P2RX4: variants seen among roughly 807,000 people sequenced by gnomAD.
P2RX4 encodes P2X purinoceptor 4.
In P2RX4, 37 loss-of-function variants were observed where a neutral mutation model predicts 48.0. The ratio of observed to expected loss-of-function variants is 0.77; its 90% CI spans 0.59 to 1.01. P2RX4 has a LOEUF of 1.01. P2RX4 is among the 50% of genes least tolerant of loss of function. The pLI, the probability that P2RX4 is intolerant of heterozygous loss-of-function variation, is 0.00. For synonymous variants in P2RX4, 200 were observed against 199.7 expected (o/e 1.00, Z -0.01); for missense variants, 501 against 521.4 (o/e 0.96, Z 0.38).
intron 1 of P2RX4, chr12:121,212,824 A>ATATATATATTTTTT (rs370835501): frequency 1.2e-4 from 4 of 32,250 alleles, no homozygotes; most frequent in East Asian, 1.1e-3. Flanking sequence ...ATATATATAT[A>ATATATATATTTTTT]TTTTTTTTTT....
intron 2 of P2RX4, among the ~76,000 whole-genome samples, chr12:121,220,614 C>T (rs191715993): frequency 1.5e-3 from 226 of 152,056 alleles, no homozygotes; most frequent in Middle Eastern, 0.014. Flanking sequence ...GCAGCCTGGG[C>T]GACAGAGCAA....
intron 1 of P2RX4, chr12:121,213,273 C>T (rs1886008827): frequency 6.6e-6 from 1 of 152,058 alleles, no homozygotes; most frequent in Admixed American, 6.6e-5. Context: ...CAAAAAAATA[C>T]AAAAATTAGC....
intron 8 of P2RX4, among the ~76,000 whole-genome samples, chr12:121,230,123 C>T (rs868203469): frequency 6.6e-6 from 1 of 152,230 alleles, no homozygotes; most frequent in East Asian, 1.9e-4. Context: ...GCGCTCCAGG[C>T]CGGGCGCAGT....
Position 121,229,869 on chromosome 12 carries a change from C to G in P2RX4, c.884+770C>G, listed in dbSNP as rs1887229719. 6.6e-6 allele frequency among the ~76,000 whole-genome samples: 1 copy of G among 152,176 alleles called. No individual in the cohort carries two copies. The highest frequency in any genetic ancestry group is 1.5e-5 in the Non-Finnish European group (1 of 68,024). ...TGTATGTGTCTCTGTGTCTTTTCTTCTTGTAAGGATATCAGTCACTGAATT... is the reference window on the plus strand; with the variant it reads ...TGTATGTGTCTCTGTGTCTTTTCTTGTTGTAAGGATATCAGTCACTGAATT... On this transcript the variant is annotated intron_variant, in intron 8 of 11. Transcript: ENST00000337233. This position sits in a 1 kb window ranked among gnomAD's most constrained non-coding sequence, Gnocchi z 4.6.
Position 121,232,854 on chromosome 12 carries a change from G to C in P2RX4, c.1045-143G>C. 1.2e-6 allele frequency: 1 copy of C among 863,632 alleles called. No individual in the cohort carries two copies. Among genetic ancestry groups the C allele is most frequent in the East Asian group, 2.4e-5 (1 of 41,586 alleles). The allele number at this position is 863,632 out of a possible 1,614,324, so 53.5% of individuals were successfully genotyped here. A position where few individuals can be genotyped will look rare whatever the true frequency, so the allele number is the denominator to read the frequency against. On this transcript the variant is annotated intron_variant, in intron 10 of 11. Coordinates refer to ENST00000337233, the MANE Select transcript of P2RX4 (RefSeq NM_002560.3). This position sits in a 1 kb window ranked among gnomAD's most constrained non-coding sequence, Gnocchi z 4.3. ...CCCTTCTCCAAGACCACCCCCCTCA[G>C]GTCCCAGCCTTCTCCCAAGAGATGG...
intron 2 of P2RX4, among the ~76,000 whole-genome samples, chr12:121,219,641 A>ATAGG: frequency 6.7e-6 from 1 of 150,140 alleles, no homozygotes; most frequent in African/African-American, 2.5e-5. Flanking sequence ...AGATAGATAG[A>ATAGG]TAGATAGATA....
Position 121,228,944 on chromosome 12 carries a change from C to T in P2RX4, c.748-19C>T, listed in dbSNP as rs1566009959. ...GGTGCTGAGGAAAGCCTTGCCGTGT[C>T]TCTGCTGCTCATCCCCAGGGAGGCA... On this transcript the variant is annotated intron_variant, in intron 7 of 11. Coordinates refer to ENST00000337233, the MANE Select transcript of P2RX4 (RefSeq NM_002560.3). 6.2e-7 allele frequency: 1 copy of T among 1,614,128 alleles called. No individual in the cohort carries two copies. Among genetic ancestry groups the T allele is most frequent in the Middle Eastern group, 1.6e-4 (1 of 6,062 alleles).
chr12:121,227,419 C>G (rs967548433), intron 5 of P2RX4, among the ~76,000 whole-genome samples: 1 of 152,230 alleles, frequency 6.6e-6, no homozygotes, highest in African/African-American at 2.4e-5. Flanking sequence ...AAGAGGCCGG[C>G]GCACCTGCTG....
rs144652663 is a variant in P2RX4 at position 121,233,386 on chromosome 12, G to A, written c.1141-137G>A. 2.6e-4 allele frequency: 225 copies of A among 862,096 alleles called. No individual in the cohort carries two copies. The African/African-American group carries it at 3.0e-3, about 12-fold the overall frequency. 53.4% of individuals were successfully genotyped at this position (862,096 alleles called of 1,614,324 possible). ...CACACACTACTTCAGTGCACCTTGC[G>A]GAACAGGAAGGGTTGGGTTCCAGGC... On this transcript the variant is annotated intron_variant, in intron 11 of 11. Transcript: ENST00000337233.
At chr12:121,215,911 G>A (rs1016113362) in intron 1 of P2RX4, 1 of 152,242 alleles carries the variant, frequency 6.6e-6, no homozygotes, top group African/African-American at 2.4e-5. Context: ...TATGTGACCA[G>A]AATTCTTGGG....
intron 1 of P2RX4, chr12:121,212,824 A>ATTTTTTTTTTTTT (rs1176783368): frequency 1.2e-4 from 4 of 32,250 alleles, no homozygotes; most frequent in South Asian, 2.0e-3. Flanking sequence ...ATATATATAT[A>ATTTTTTTTTTTTT]TTTTTTTTTT....
At chr12:121,221,535 A>G (rs952786522) in intron 2 of P2RX4, among the ~76,000 whole-genome samples, 1 of 151,796 alleles carries the variant, frequency 6.6e-6, no homozygotes, top group Non-Finnish European at 1.5e-5. Context: ...CTGGGACTAC[A>G]GGTGCCCGCC....
At chr12:121,212,303 C>T (rs374697288) in intron 1 of P2RX4, among the ~76,000 whole-genome samples, 1 of 152,064 alleles carries the variant, frequency 6.6e-6, no homozygotes, top group Admixed American at 6.6e-5. Flanking sequence ...CAGATTTGGA[C>T]TCATTGGCTC....
At position 121,233,090 on chromosome 12, in the gene P2RX4, C is replaced by T; in HGVS notation, c.1138C>T (p.Gln380Ter). ...ATATAAATATGTGGAAGATTACGAG[C>T]AGGTAGGCCCCTCCTGGCCCCCAGC... ...KKYKYVEDYEQGLASELDQ is the reference protein window; with the variant it reads ...KKYKYVEDYE The change falls in exon 11 of 12, where the codon CAG becomes TAG. Residue 380 changes from glutamine (Q) to a stop codon, truncating the protein, a stop_gained and splice_region_variant. Coordinates refer to ENST00000337233, the MANE Select transcript of P2RX4 (RefSeq NM_002560.3). LOFTEE classifies it high-confidence loss of function. 1 of 1,604,406 alleles carries T rather than the reference C, an allele frequency of 6.2e-7. No homozygotes were observed. The highest frequency in any genetic ancestry group is 8.5e-7 in the Non-Finnish European group (1 of 1,171,756).
Position 121,233,765 on chromosome 12 carries a change from T to A in P2RX4, c.*216T>A. 2 of 1,183,134 alleles carry A rather than the reference T, an allele frequency of 1.7e-6. No individual in the cohort carries two copies. The highest frequency in any genetic ancestry group is 2.3e-4 in the Middle Eastern group (1 of 4,274). 73.3% of individuals were successfully genotyped at this position (1,183,134 alleles called of 1,614,324 possible). ...GGTCAGCAGTCTGTTCTTGGCTGGGTCAACTCTGCTTTTCCCGCAACCTGG... is the reference window on the plus strand; with the variant it reads ...GGTCAGCAGTCTGTTCTTGGCTGGGACAACTCTGCTTTTCCCGCAACCTGG... On this transcript the variant is annotated 3_prime_UTR_variant, in exon 12 of 12. Coordinates refer to ENST00000337233, the MANE Select transcript of P2RX4 (RefSeq NM_002560.3).
In P2RX4 at chr12:121,210,145, T is replaced by C. The variant is rs570753165; in HGVS notation, c.-20T>C. On this transcript the variant is annotated 5_prime_UTR_variant, in exon 1 of 12. Coordinates refer to ENST00000337233, the MANE Select transcript of P2RX4 (RefSeq NM_002560.3). ...CTGGGACCCAGACCGACTAGGGGAC[T>C]GGGAGCGGGCGGCGCGGCCATGGCG... 1.5e-4 allele frequency: 234 copies of C among 1,517,778 alleles called. 1 individual carries two copies. The Middle Eastern group carries it at 1.7e-3, about 11-fold the overall frequency. The allele number at this position is 1,517,778 out of a possible 1,614,324, so 94.0% of individuals were successfully genotyped here. A position where few individuals can be genotyped will look rare whatever the true frequency, so the allele number is the denominator to read the frequency against.
At chr12:121,225,848 ACTTT>A (rs1291511212) in intron 5 of P2RX4, among the ~76,000 whole-genome samples, 2 of 151,958 alleles carry the variant, frequency 1.3e-5, no homozygotes, top group Non-Finnish European at 2.9e-5. Context: ...CTATTAGGAA[ACTTT>A]AAGTTGGAGT....
Position 121,229,375 on chromosome 12 carries a change from C to G in P2RX4, c.884+276C>G, listed in dbSNP as rs1333348071. 6.6e-6 allele frequency among the ~76,000 whole-genome samples: 1 copy of G among 152,196 alleles called. No homozygotes were observed. The highest frequency in any genetic ancestry group is 1.5e-5 in the Non-Finnish European group (1 of 68,026). The stretch of plus-strand genomic sequence containing the variant: ...TAGAGCAGCCAGGAGAAGCTGGGGG[C>G]TTAAGCTTTCCAGCACCTGCCTCAG... On this transcript the variant is annotated intron_variant, in intron 8 of 11. Transcript: ENST00000337233. This position sits in a 1 kb window ranked among gnomAD's most constrained non-coding sequence, Gnocchi z 4.6.
At chr12:121,221,119 C>T (rs927372309) in intron 2 of P2RX4, among the ~76,000 whole-genome samples, 3 of 151,418 alleles carry the variant, frequency 2.0e-5, no homozygotes, top group Non-Finnish European at 2.9e-5. Flanking sequence ...TACAGGTGCC[C>T]GCCACCACAC....
Sources: gnomAD v4.1 joint callset for allele counts (sites outside exome capture counted in the v4.1 genomes callset) on GRCh38, gnomAD v4.1.1 for gene constraint, Gnocchi (gnomAD v3.1) non-coding constraint, MANE v1.5 for transcripts, NCBI Gene and HGNC (gene_info 2026-07-23, HGNC 2026-07-21) for gene names.